Variants in MACF1 observed in about 807,000 individuals in gnomAD.
MACF1 encodes the protein microtubule actin crosslinking factor 1.
Under a neutral mutation model 854.8 loss-of-function variants are expected in MACF1, and 193 were observed. The observed-to-expected ratio is 0.23, with a 90% CI of 0.20 to 0.25. The LOEUF (loss-of-function observed/expected upper bound fraction) is 0.25. Among genes scored for constraint, MACF1 ranks in the 10% least tolerant of loss-of-function variants. MACF1 has a pLI of 1.00. For synonymous variants in MACF1, 3,185 were observed against 3,226.7 expected (o/e 0.99, Z 0.44); for missense variants, 7,722 against 8,929.1 (o/e 0.86, Z 5.45).
chr1:39,404,472 A>G (rs1642613492), intron 58 of MACF1, among the ~76,000 whole-genome samples: 2 of 136,724 alleles, frequency 1.5e-5, no homozygotes, highest in South Asian at 2.2e-4. Context: ...CCCTGTCTGG[A>G]AAAAAAAAAA....
At chr1:39,103,764 C>T (rs1642153169) in intron 2 of MACF1, 1 of 152,152 alleles carries the variant, frequency 6.6e-6, no homozygotes, top group African/African-American at 2.4e-5. Context: ...TCTTTCAGGC[C>T]CTTCCCTGCA....
intron 1 of MACF1, chr1:39,206,544 A>G (rs2148269302): frequency 6.6e-6 from 1 of 152,284 alleles, no homozygotes; most frequent in Non-Finnish European, 1.5e-5. Context: ...CTGTATTTTA[A>G]GTGCTTTCTT....
chr1:39,257,066 A>T (rs1029737053), intron 5 of MACF1, among the ~76,000 whole-genome samples: 2 of 152,078 alleles, frequency 1.3e-5, no homozygotes, highest in Non-Finnish European at 2.9e-5. Flanking sequence ...CAGCAATCCC[A>T]CTCCTAGGAA....
Position 39,357,574 on chromosome 1 carries a change from T to A in MACF1, c.11624T>A (p.Leu3875His). The change falls in exon 45 of 101, where the codon CTT becomes CAT. Residue 3875 changes from leucine to histidine, a missense_variant. Leu to His is a moderately conservative substitution (Grantham distance 99). Around this residue, in one of 15 missense-constraint regions of MACF1, gnomAD observed 2,807 missense variants for 3,235.8 expected, o/e 0.87. Transcript: ENST00000564288. ...GCAGAACTGAAGCAGGTGCAGACAC[T>A]TCAGGATGAGTTGCAGAAATTTCTG... ...SEAELKQVQT[L>H]QDELQKFLQD... The A allele has an allele frequency of 6.2e-7, 1 of 1,614,098 alleles. No homozygotes were observed. Among genetic ancestry groups the A allele is most frequent in the African/African-American group, 1.3e-5 (1 of 75,012 alleles).
At chr1:39,177,452 A>G (rs548916297) in intron 2 of MACF1, among the ~76,000 whole-genome samples, 1 of 152,230 alleles carries the variant, frequency 6.6e-6, no homozygotes, top group African/African-American at 2.4e-5. Context: ...GGAGTTTTCC[A>G]GATTGATGCC....
At chr1:39,207,531 C>T (rs1451846247) in intron 1 of MACF1, among the ~76,000 whole-genome samples, 1 of 151,904 alleles carries the variant, frequency 6.6e-6, no homozygotes, top group African/African-American at 2.4e-5. Flanking sequence ...CCACCTGCCT[C>T]GGCCTCCCAA....
chr1:39,332,269 CCA>C lies in MACF1; in HGVS notation c.5684_5685del (p.Thr1895ArgfsTer16). The C allele has an allele frequency of 6.2e-7, 1 of 1,613,890 alleles. No homozygotes were observed. Among genetic ancestry groups the C allele is most frequent in the Non-Finnish European group, 8.5e-7 (1 of 1,180,028 alleles). On this transcript the variant is annotated frameshift_variant, in exon 37 of 101. Coordinates refer to ENST00000564288, the MANE Select transcript of MACF1 (RefSeq NM_001394062.1). LOFTEE classifies it high-confidence loss of function. ...ATTAAGGCTCTGTTTCTACCAGCAA[CCA>C]CAGAGATTTTGTCCTGGAAGAAAGC...
At chr1:39,432,093 G>T (rs1051354992) in intron 66 of MACF1, among the ~76,000 whole-genome samples, 1 of 152,138 alleles carries the variant, frequency 6.6e-6, no homozygotes, top group African/African-American at 2.4e-5. Flanking sequence ...TTCTTTTGGG[G>T]TCTTATGCTG....
At chr1:39,236,605 T>C (rs986044090) in intron 2 of MACF1, among the ~76,000 whole-genome samples, 1 of 152,180 alleles carries the variant, frequency 6.6e-6, no homozygotes, top group African/African-American at 2.4e-5. Context: ...GTCTTATTGT[T>C]TATAGTGTTA....
In MACF1 at chr1:39,471,417, A is replaced by G. The variant is rs557417384; in HGVS notation, c.21958+1802A>G. 1.3e-4 allele frequency among the ~76,000 whole-genome samples: 20 copies of G among 152,364 alleles called. No homozygotes were observed. In the South Asian group the frequency reaches 3.5e-3, roughly 27 times the overall value. On this transcript the variant is annotated intron_variant, in intron 97 of 100. Transcript: ENST00000564288. ...GGGTCTCTGGAATGTAGAGAATGCT[A>G]TACTGAGGACAGTACAAGATGTGTG...
intron 1 of MACF1, among the ~76,000 whole-genome samples, chr1:39,224,055 G>C (rs1225998550): frequency 6.6e-6 from 1 of 152,172 alleles, no homozygotes; most frequent in Non-Finnish European, 1.5e-5. Context: ...CTGAGCTAAA[G>C]ATACAGATTT....
At chr1:39,202,610 G>A (rs1242107799), upstream of MACF1, among the ~76,000 whole-genome samples, 4 of 151,670 alleles carry the variant, frequency 2.6e-5, no homozygotes, top group African/African-American at 9.7e-5. Context: ...ACTCCAGCCT[G>A]GGCAACAGAG....
chr1:39,422,801 A>G lies in MACF1; in HGVS notation c.16050A>G (p.Pro5350=). 6.2e-7 allele frequency: 1 copy of G among 1,614,232 alleles called. No individual in the cohort carries two copies. The highest frequency in any genetic ancestry group is 8.5e-7 in the Non-Finnish European group (1 of 1,180,036). The change falls in exon 60 of 101, where the codon CCA becomes CCG. Residue 5350 remains proline (P), a synonymous_variant. Transcript: ENST00000564288. ...HCGKFQDALE[P]LLSWLADTEE... is the part of the protein sequence containing the mutation. Reference sequence around the variant, plus strand: ...GGAAGTTTCAAGATGCCTTGGAGCCATTGCTCAGCTGGTTGGCAGATACCG... The same window carrying G: ...GGAAGTTTCAAGATGCCTTGGAGCCGTTGCTCAGCTGGTTGGCAGATACCG...
intron 23 of MACF1, among the ~76,000 whole-genome samples, chr1:39,309,252 T>A (rs1190746198): frequency 6.6e-6 from 1 of 151,896 alleles, no homozygotes; most frequent in African/African-American, 2.4e-5. Flanking sequence ...AATTAATTAA[T>A]GTAGTTTAGT....
rs1404055903 is a variant in MACF1 at position 39,430,865 on chromosome 1, A to G, written c.17294A>G (p.Gln5765Arg). 6.2e-7 allele frequency: 1 copy of G among 1,612,624 alleles called. No individual in the cohort carries two copies. The highest frequency in any genetic ancestry group is 2.2e-5 in the East Asian group (1 of 44,892). ...AAACTAGTCAGTGACACTATTGGACAAAGGGTGGATGAAATTGATGCTGCT... is the reference window on the plus strand; with the variant it reads ...AAACTAGTCAGTGACACTATTGGACGAAGGGTGGATGAAATTGATGCTGCT... Reference protein sequence around the residue: ...QYKLVSDTIGQRVDEIDAAIQ... With the variant: ...QYKLVSDTIGRRVDEIDAAIQ... Residue 5765 changes from glutamine (Q) to arginine (R), a missense_variant, in exon 66 of 101, where the codon CAA becomes CGA. Gln to Arg is a conservative substitution (Grantham distance 43, BLOSUM62 1). Around this residue, in one of 15 missense-constraint regions of MACF1, gnomAD observed 2,807 missense variants for 3,235.8 expected, o/e 0.87. Transcript: ENST00000564288.
At position 39,409,511 on chromosome 1, in the gene MACF1, T is replaced by TGCTGCTGCCCGCCCGCCCGCC. The variant is rs1300793423; in HGVS notation, c.15817-12862_15817-12842dup. On this transcript the variant is annotated intron_variant, in intron 58 of 100. Coordinates refer to ENST00000564288, the MANE Select transcript of MACF1 (RefSeq NM_001394062.1). This position sits in a 1 kb window ranked among gnomAD's most constrained non-coding sequence, Gnocchi z 4.2. The stretch of plus-strand genomic sequence containing the variant: ...GCCCCTCCGACAGACCCGCGGCCGC[T>TGCTGCTGCCCGCCCGCCCGCC]GCTGCTGCCCGCCCGCCCGCCTGCC... The TGCTGCTGCCCGCCCGCCCGCC allele has an allele frequency of 7.9e-5, 12 of 152,054 alleles. No individual in the cohort carries two copies. The highest frequency in any genetic ancestry group is 2.9e-4 in the African/African-American group (12 of 41,360). The allele number at this position is 152,054 out of a possible 1,614,324, so 9.4% of individuals were successfully genotyped here.
At chr1:39,367,078 G>T (rs1432558254) in intron 49 of MACF1, among the ~76,000 whole-genome samples, 1 of 151,084 alleles carries the variant, frequency 6.6e-6, no homozygotes, top group Non-Finnish European at 1.5e-5. Context: ...CTCCCAAGCA[G>T]CTGGGACTAC....
rs201702375 is a variant in MACF1, at chr1:39,451,169, C to T, written c.20376C>T (p.His6792=). The T allele has an allele frequency of 1.1e-5, 17 of 1,614,062 alleles. No homozygotes were observed. Among genetic ancestry groups the T allele is most frequent in the East Asian group, 6.7e-5 (3 of 44,866 alleles). The change falls in exon 85 of 101, where the codon CAC becomes CAT. Residue 6792 remains histidine, a synonymous_variant. Coordinates refer to ENST00000564288, the MANE Select transcript of MACF1 (RefSeq NM_001394062.1). The part of the protein sequence containing the change: ...EPQLAEDQPV[H]GDLDLVMNLM... The stretch of plus-strand genomic sequence containing the variant: ...AGCTGGCTGAGGACCAGCCCGTGCA[C>T]GGGGACCTTGACCTCGTCATGAACC...
In MACF1 at chr1:39,376,882, AT is replaced by A. The variant is rs879676025; in HGVS notation, c.13214-1565del. Among the ~76,000 whole-genome samples the A allele has an allele frequency of 2.7e-3, 390 of 143,936 alleles. 1 individual carries two copies. Among genetic ancestry groups the A allele is most frequent in the Non-Finnish European group, 3.3e-3 (213 of 65,220 alleles). 94.4% of individuals were successfully genotyped at this position (143,936 alleles called of 152,430 possible). ...AAATGTGCACTGTCATGCCTGACTA[AT>A]TTTTTTTTTTTTTAATATTTTTTTG... On this transcript the variant is annotated intron_variant, in intron 52 of 100. Transcript: ENST00000564288.
Sources: allele counts gnomAD v4.1 joint callset (sites outside exome capture counted in the v4.1 genomes callset), GRCh38; gene constraint gnomAD v4.1.1; regional missense constraint gnomAD v4.1.1; non-coding constraint Gnocchi (gnomAD v3.1); transcripts MANE v1.5; gene names NCBI Gene and HGNC (gene_info 2026-07-23, HGNC 2026-07-21).